Variants in B3GALT1 observed in about 807,000 individuals in gnomAD.
B3GALT1 encodes beta-1,3-galactosyltransferase 1.
A neutral mutation model predicts 23.2 loss-of-function variants in B3GALT1; 10 were observed. The ratio of observed to expected loss-of-function variants is 0.43; its 90% CI spans 0.27 to 0.73. The LOEUF (loss-of-function observed/expected upper bound fraction) is 0.73. B3GALT1 is among the 30% of genes least tolerant of loss of function. The probability of loss-of-function intolerance (pLI) is 0.21; values close to 1 mark genes in which losing one functional copy is unlikely to be tolerated. For missense variants in B3GALT1, 299 were observed against 405.4 expected (o/e 0.74, Z 2.25); for synonymous variants, 156 against 141.5 (o/e 1.10, Z -0.73).
chr2:167,612,142 A>G (rs1213839033), intron 2 of B3GALT1, among the ~76,000 whole-genome samples: 1 of 151,918 alleles, frequency 6.6e-6, no homozygotes, highest in Non-Finnish European at 1.5e-5. Context: ...AGCAGCATGC[A>G]AATCCATTTT....
intron 2 of B3GALT1, among the ~76,000 whole-genome samples, chr2:167,512,608 G>A (rs563065865): frequency 1.0e-3 from 82 of 80,130 alleles, no homozygotes; most frequent in African/African-American, 5.0e-3. Context: ...ATATATATAT[G>A]TATATATATA....
chr2:167,690,729 T>G (rs999884716), intron 3 of B3GALT1, among the ~76,000 whole-genome samples: 1 of 152,176 alleles, frequency 6.6e-6, no homozygotes, highest in African/African-American at 2.4e-5. Context: ...GTATTACCAA[T>G]CTATCGTCCC....
intron 3 of B3GALT1, among the ~76,000 whole-genome samples, chr2:167,717,294 GT>G (rs71003008): frequency 0.29 from 42,908 of 147,560 alleles, 7,460 homozygotes; most frequent in Non-Finnish European, 0.4. Flanking sequence ...TTATCTATGA[GT>G]TTTTTTTTTA....
Position 167,873,323 on chromosome 2 carries a change from A to G in B3GALT1, c.*3303A>G, listed in dbSNP as rs925547308. ...TATATTGGAACAAGTGTCCATTTCA[A>G]TATGTAATATTGTATTTTTAAATAA... On this transcript the variant is annotated 3_prime_UTR_variant, in exon 5 of 5. Coordinates refer to ENST00000392690, the MANE Select transcript of B3GALT1 (RefSeq NM_020981.4). 2 of 152,144 alleles carry G rather than the reference A, an allele frequency of 1.3e-5. No individual in the cohort carries two copies. Among genetic ancestry groups the G allele is most frequent in the Non-Finnish European group, 2.9e-5 (2 of 68,016 alleles). 9.4% of individuals were successfully genotyped at this position (152,144 alleles called of 1,614,324 possible).
intron 2 of B3GALT1, among the ~76,000 whole-genome samples, chr2:167,601,739 C>A (rs1389611369): frequency 6.6e-6 from 1 of 152,164 alleles, no homozygotes; most frequent in Non-Finnish European, 1.5e-5. Context: ...TTCTCACACA[C>A]CAGGTGATTC....
At position 167,869,451 on chromosome 2, in the gene B3GALT1, C is replaced by G; in HGVS notation, c.412C>G (p.His138Asp). ...QMVEQESQIF[H>D]DIIVEDFIDS... ...GGTGGAGCAAGAGAGCCAAATCTTC[C>G]ATGATATCATCGTGGAGGACTTTAT... is the stretch of plus-strand genomic sequence containing the variant. The change falls in exon 5 of 5, where the codon CAT becomes GAT. Residue 138 changes from histidine to aspartate, a missense_variant. Transcript: ENST00000392690. The surrounding 1 kb of genome is among the most constrained non-coding windows in gnomAD (Gnocchi z 6.4). 1 of 1,614,068 alleles carries G rather than the reference C, an allele frequency of 6.2e-7. No homozygotes were observed. Among genetic ancestry groups the G allele is most frequent in the Non-Finnish European group, 8.5e-7 (1 of 1,180,024 alleles).
chr2:167,413,310 TAAAC>T (rs1698420145), intron 1 of B3GALT1, among the ~76,000 whole-genome samples: 1 of 152,108 alleles, frequency 6.6e-6, no homozygotes, highest in African/African-American at 2.4e-5. Context: ...TATGTGTACT[TAAAC>T]AGATTGTGTA....
chr2:167,598,127 T>C (rs984356097), intron 2 of B3GALT1, among the ~76,000 whole-genome samples: 1 of 152,186 alleles, frequency 6.6e-6, no homozygotes, highest in Non-Finnish European at 1.5e-5. Context: ...GCAGATATTA[T>C]GTGGATCTAG....
At chr2:167,831,241 C>T (rs1240454584) in intron 4 of B3GALT1, among the ~76,000 whole-genome samples, 4 of 152,120 alleles carry the variant, frequency 2.6e-5, no homozygotes, top group Non-Finnish European at 2.9e-5. Context: ...TTTAATTCAG[C>T]GCTCCCACAG....
intron 2 of B3GALT1, among the ~76,000 whole-genome samples, chr2:167,503,427 T>A (rs1402356173): frequency 1.3e-5 from 2 of 152,208 alleles, no homozygotes; most frequent in African/African-American, 4.8e-5. Flanking sequence ...AAGCTTACTG[T>A]TAAGCTTTCA....
intron 2 of B3GALT1, among the ~76,000 whole-genome samples, chr2:167,579,066 A>G (rs970288316): frequency 6.6e-6 from 1 of 152,094 alleles, no homozygotes; most frequent in African/African-American, 2.4e-5. Context: ...CCCAGATAAA[A>G]TGGCAGTGGC....
At chr2:167,790,444 T>C (rs998689852) in intron 3 of B3GALT1, among the ~76,000 whole-genome samples, 1 of 152,178 alleles carries the variant, frequency 6.6e-6, no homozygotes, top group African/African-American at 2.4e-5. Context: ...CAGTTTCCTA[T>C]TCTTCTGTGA....
At chr2:167,373,181 G>T (rs982668208) in intron 1 of B3GALT1, among the ~76,000 whole-genome samples, 1 of 151,696 alleles carries the variant, frequency 6.6e-6, no homozygotes, top group Non-Finnish European at 1.5e-5. Context: ...GAGAAAAAAA[G>T]AATCCCACCT....
intron 3 of B3GALT1, among the ~76,000 whole-genome samples, chr2:167,780,000 T>C (rs1376632231): frequency 6.6e-6 from 1 of 152,246 alleles, no homozygotes; most frequent in Non-Finnish European, 1.5e-5. Flanking sequence ...GATTATTTGC[T>C]AAAGCCATTT....
chr2:167,657,813 A>G (rs973841442), intron 3 of B3GALT1, among the ~76,000 whole-genome samples: 1 of 152,142 alleles, frequency 6.6e-6, no homozygotes, highest in African/African-American at 2.4e-5. Flanking sequence ...AGAATGTATA[A>G]TATAAAAATC....
Position 167,759,421 on chromosome 2 carries a change from A to G in B3GALT1, c.-351-59251A>G, listed in dbSNP as rs900009437. On this transcript the variant is annotated intron_variant, in intron 3 of 4. Coordinates refer to ENST00000392690, the MANE Select transcript of B3GALT1 (RefSeq NM_020981.4). ...TGTGGAGAACTAGACTAGGGGGGCAATAATTCCTAACTTGCATGATGTTTG... is the reference window on the plus strand; with the variant it reads ...TGTGGAGAACTAGACTAGGGGGGCAGTAATTCCTAACTTGCATGATGTTTG... 2.6e-5 allele frequency among the ~76,000 whole-genome samples: 4 copies of G among 152,368 alleles called. No homozygotes were observed. The East Asian group carries it at 5.8e-4, about 22-fold the overall frequency.
At chr2:167,810,615 C>T (rs974998406) in intron 3 of B3GALT1, among the ~76,000 whole-genome samples, 1 of 150,906 alleles carries the variant, frequency 6.6e-6, no homozygotes, top group African/African-American at 2.5e-5. Context: ...CCATTCCAGC[C>T]ATCTGTGTAT....
rs1359371461 is a variant in B3GALT1 at position 167,400,186 on chromosome 2, G to GTGTGTGTC, written c.-510-89983_-510-89976dup. On this transcript the variant is annotated intron_variant, in intron 1 of 4. Transcript: ENST00000392690. ...TATGTCTGTGTGTGTGTGTGTGTGT[G>GTGTGTGTC]TGTGTGTCTGTGTGTGTGTATGTGT... 7.3e-4 allele frequency among the ~76,000 whole-genome samples: 110 copies of GTGTGTGTC among 151,594 alleles called. 1 individual carries two copies. Among genetic ancestry groups the GTGTGTGTC allele is most frequent in the African/African-American group, 2.6e-3 (109 of 41,340 alleles).
intron 3 of B3GALT1, among the ~76,000 whole-genome samples, chr2:167,698,232 A>G (rs1464531332): frequency 6.6e-6 from 1 of 152,192 alleles, no homozygotes; most frequent in Non-Finnish European, 1.5e-5. Context: ...TTTGTTTATA[A>G]GCAACTCAAG....
Sources: allele counts gnomAD v4.1 joint callset (sites outside exome capture counted in the v4.1 genomes callset), GRCh38; gene constraint gnomAD v4.1.1; non-coding constraint Gnocchi (gnomAD v3.1); transcripts MANE v1.5; gene names NCBI Gene and HGNC (gene_info 2026-07-23, HGNC 2026-07-21).